MYRF: variants seen among roughly 807,000 people sequenced by gnomAD.
The protein encoded by MYRF is myelin gene regulatory factor.
A neutral mutation model predicts 126.3 loss-of-function variants in MYRF; 16 were observed. The observed-to-expected ratio is 0.13, with a 90% confidence interval of 0.09 to 0.19. The LOEUF is 0.19. Among genes scored for constraint, MYRF ranks in the 10% least tolerant of loss-of-function variants. The pLI, the probability that MYRF is intolerant of heterozygous loss-of-function variation, is 1.00. For missense variants in MYRF, 1,104 were observed against 1,547.0 expected (o/e 0.71, Z 4.80); for synonymous variants, 608 against 635.3 (o/e 0.96, Z 0.65).
chr11:61,779,715 T>C (rs1044594359), intron 16 of MYRF, 127 bp from the exon 17 acceptor site: 1 of 1,207,778 alleles, frequency 8.3e-7, no homozygotes. Flanking sequence ...CGTTTCTCTT[T>C]CTTCTCCCTT....
In MYRF at chr11:61,777,332, C is replaced by G. The variant is rs144177087; in HGVS notation, c.1659C>G (p.Thr553=). 1,891 of 1,613,554 alleles carry G rather than the reference C, an allele frequency of 1.2e-3. 5 individuals carry two copies. The highest frequency in any genetic ancestry group is 5.0e-3 in the African/African-American group (374 of 75,052). Residue 553 remains threonine (T), a synonymous_variant, in exon 12 of 27, where the codon ACC becomes ACG. Transcript: ENST00000278836. The surrounding 1 kb of genome is among the most constrained non-coding windows in gnomAD (Gnocchi z 8.8). ...GGCAGCGGGCACAGGTGCCCGACAC[C>G]GTCTTCCACCACGGCCGCGTGGGCA... ...VLWQRAQVPD[T]VFHHGRVGIN...
Position 61,766,055 on chromosome 11 carries a change from C to G in MYRF, c.232C>G (p.Pro78Ala). The G allele has an allele frequency of 1.9e-6, 3 of 1,603,310 alleles. No homozygotes were observed. Among genetic ancestry groups the G allele is most frequent in the Non-Finnish European group, 2.5e-6 (3 of 1,177,500 alleles). ...CAGCGGGGTCCACCACCTGAGCCCC[C>G]CTGGGGGTGGACCCTCCCCGGGGCG... ...GSSGVHHLSP[P>A]GGGPSPGRHG... is the part of the protein sequence containing the mutation. Residue 78 changes from proline (P) to alanine (A), a missense_variant, in exon 3 of 27, where the codon CCT (proline) becomes GCT (alanine). Pro to Ala is a conservative substitution (Grantham distance 27, BLOSUM62 -1). Coordinates refer to ENST00000278836, the MANE Select transcript of MYRF (RefSeq NM_001127392.3).
At chr11:61,763,142 T>G (rs1591085971) in intron 1 of MYRF, among the ~76,000 whole-genome samples, 1 of 151,394 alleles carries the variant, frequency 6.6e-6, no homozygotes, top group African/African-American at 2.4e-5. Flanking sequence ...GCGGCCAGGG[T>G]GGGGGCGACG....
chr11:61,780,456 C>G (rs1474925142), intron 18 of MYRF, among the ~76,000 whole-genome samples, 166 bp downstream of exon 18: 1 of 152,162 alleles, frequency 6.6e-6, no homozygotes, highest in Non-Finnish European at 1.5e-5. Flanking sequence ...GGAGGGTGGG[C>G]AGCCTTTCCC....
Position 61,777,132 on chromosome 11 carries a change from C to A in MYRF, c.1591-132C>A, listed in dbSNP as rs2066405974. 3.1e-6 allele frequency: 3 copies of A among 981,514 alleles called. No homozygotes were observed. Among genetic ancestry groups the A allele is most frequent in the Non-Finnish European group, 3.0e-6 (2 of 670,334 alleles). The allele number at this position is 981,514 out of a possible 1,614,324, so 60.8% of individuals were successfully genotyped here. ...AGTTGTCACAGTGGGAGGGACAGTT[C>A]AAGTTGGGCTTGGTGCAGTGAGAAA... On this transcript the variant is annotated intron_variant, in intron 11 of 26. Coordinates refer to ENST00000278836, the MANE Select transcript of MYRF (RefSeq NM_001127392.3). This position sits in a 1 kb window ranked among gnomAD's most constrained non-coding sequence, Gnocchi z 8.8.
chr11:61,783,659 G>T lies in MYRF; in HGVS notation c.3119+59G>T. 2 of 1,514,852 alleles carry T rather than the reference G, an allele frequency of 1.3e-6. No individual in the cohort carries two copies. Among genetic ancestry groups the T allele is most frequent in the Non-Finnish European group, 9.1e-7 (1 of 1,096,538 alleles). 93.8% of individuals were successfully genotyped at this position (1,514,852 alleles called of 1,614,324 possible). Reference sequence around the variant, plus strand: ...TCCTCAGGTGACATGAGCCCAGGTGGTACAGATCACCCGGAACTTGCCCTT... The same window carrying T: ...TCCTCAGGTGACATGAGCCCAGGTGTTACAGATCACCCGGAACTTGCCCTT... On this transcript the variant is annotated intron_variant, in intron 23 of 26. Transcript: ENST00000278836. This position sits in a 1 kb window ranked among gnomAD's most constrained non-coding sequence, Gnocchi z 4.6.
At position 61,781,763 on chromosome 11, in the gene MYRF, C is replaced by G; in HGVS notation, c.2955C>G (p.Arg985=). 6.2e-7 allele frequency: 1 copy of G among 1,610,964 alleles called. No homozygotes were observed. The highest frequency in any genetic ancestry group is 8.5e-7 in the Non-Finnish European group (1 of 1,179,066). ...SPSLGFHGRA[R]RGALQSSVGP... ...GCCTTGGTTTCCATGGCCGGGCCCG[C>G]CGAGGGGCCCTCCAGTCCAGCGTGG... The change falls in exon 22 of 27, where the codon CGC becomes CGG. Residue 985 remains arginine, a synonymous_variant. Coordinates refer to ENST00000278836, the MANE Select transcript of MYRF (RefSeq NM_001127392.3).
At chr11:61,773,044 T>C (rs1336013856) in intron 7 of MYRF, among the ~76,000 whole-genome samples, 1 of 149,168 alleles carries the variant, frequency 6.7e-6, no homozygotes, top group African/African-American at 2.5e-5. Flanking sequence ...CTTGCTCTGT[T>C]GCCCAGGCTG....
At position 61,781,839 on chromosome 11, in the gene MYRF, C is replaced by T; in HGVS notation, c.3016+15C>T. ...GGGCCAGTCAGGTACTTGCTGCACC[C>T]CTGACACTACCCAGCCCAGCCTGGC... On this transcript the variant is annotated intron_variant, in intron 22 of 26. Coordinates refer to ENST00000278836, the MANE Select transcript of MYRF (RefSeq NM_001127392.3). The T allele has an allele frequency of 6.6e-7, 1 of 1,523,044 alleles. No homozygotes were observed. The highest frequency in any genetic ancestry group is 8.8e-7 in the Non-Finnish European group (1 of 1,142,080). 94.3% of individuals were successfully genotyped at this position (1,523,044 alleles called of 1,614,324 possible). A position where few individuals can be genotyped will look rare whatever the true frequency, so the allele number is the denominator to read the frequency against.
intron 7 of MYRF, among the ~76,000 whole-genome samples, chr11:61,773,244 T>C (rs1305271734): frequency 6.6e-6 from 1 of 152,122 alleles, no homozygotes; most frequent in African/African-American, 2.4e-5. Flanking sequence ...TGCCTTGGCC[T>C]CCCAAAGTGC....
chr11:61,758,525 C>G (rs968924726), intron 1 of MYRF, among the ~76,000 whole-genome samples: 1 of 152,172 alleles, frequency 6.6e-6, no homozygotes, highest in African/African-American at 2.4e-5. Context: ...GGAGCTCTTC[C>G]TGGGTGGCCA....
Position 61,771,859 on chromosome 11 carries a change from G to A in MYRF, c.1022G>A (p.Gly341Asp). The A allele has an allele frequency of 6.2e-7, 1 of 1,614,140 alleles. No homozygotes were observed. Among genetic ancestry groups the A allele is most frequent in the South Asian group, 1.1e-5 (1 of 91,082 alleles). ...GLLQDSDSLS[G>D]SYLDPNYQSI... Reference sequence around the variant, plus strand: ...CTGCAGGACAGTGACAGCCTCAGTGGCTCCTACCTGGACCCCAACTACCAG... The same window carrying A: ...CTGCAGGACAGTGACAGCCTCAGTGACTCCTACCTGGACCCCAACTACCAG... The change falls in exon 7 of 27, where the codon GGC (glycine) becomes GAC (aspartate). Residue 341 changes from glycine (G) to aspartate (D), a missense_variant. Transcript: ENST00000278836.
chr11:61,762,110 C>G (rs911544987), intron 1 of MYRF, among the ~76,000 whole-genome samples: 10 of 152,152 alleles, frequency 6.6e-5, no homozygotes, highest in African/African-American at 1.9e-4. Flanking sequence ...ACCTGGCTTT[C>G]TCAGGCTTAG....
At position 61,777,675 on chromosome 11, in the gene MYRF, C is replaced by T; in HGVS notation, c.1792-59C>T. 1 of 1,498,306 alleles carries T rather than the reference C, an allele frequency of 6.7e-7. No individual in the cohort carries two copies. Among genetic ancestry groups the T allele is most frequent in the African/African-American group, 1.4e-5 (1 of 71,946 alleles). The allele number at this position is 1,498,306 out of a possible 1,614,324, so 92.8% of individuals were successfully genotyped here. A position where few individuals can be genotyped will look rare whatever the true frequency, so the allele number is the denominator to read the frequency against. Reference sequence around the variant, plus strand: ...TCCAGGCTGCCGCCCTCCTGGGCTCCGGGGCCTGCTCCGGGACGGCCGCAG... The same window carrying T: ...TCCAGGCTGCCGCCCTCCTGGGCTCTGGGGCCTGCTCCGGGACGGCCGCAG... On this transcript the variant is annotated intron_variant, in intron 12 of 26. Transcript: ENST00000278836. This position sits in a 1 kb window ranked among gnomAD's most constrained non-coding sequence, Gnocchi z 8.8.
At chr11:61,755,525 A>C in intron 1 of MYRF, 2 of 1,509,026 alleles carry the variant, frequency 1.3e-6, no homozygotes, top group South Asian at 2.3e-5. Flanking sequence ...GAATCCTGCC[A>C]GGACCTCAGA....
intron 3 of MYRF, chr11:61,766,668 A>C: frequency 4.1e-6 from 1 of 245,136 alleles, no homozygotes. Flanking sequence ...CCCCTACCCA[A>C]GCAAGCCTCA....
rs568739917 is a variant in MYRF at position 61,779,543 on chromosome 11, G to C, written c.2220G>C (p.Lys740Asn). ...GTCGGGCGGGCAGCGTCCCCCACAA[G>C]AAGAGGCCCCCCAAGGTGGCCAGCA... ...QFSRAGSVPH[K>N]KRPPKVASKS... Residue 740 changes from lysine to asparagine, a missense_variant, in exon 16 of 27, where the codon AAG becomes AAC. By Grantham distance (94) the Lys-to-Asn change is moderately conservative. This residue lies in a region of MYRF where 323 missense variants were observed against 383.1 expected (regional missense o/e 0.84). Transcript: ENST00000278836. The C allele has an allele frequency of 8.6e-6, 13 of 1,508,118 alleles. No homozygotes were observed. The highest frequency in any genetic ancestry group is 2.8e-5 in the African/African-American group (2 of 71,816). 93.4% of individuals were successfully genotyped at this position (1,508,118 alleles called of 1,614,324 possible). A position where few individuals can be genotyped will look rare whatever the true frequency, so the allele number is the denominator to read the frequency against.
At chr11:61,765,514 G>GTGTA in intron 1 of MYRF, 111 bp from the exon 2 acceptor site, 1 of 778,622 alleles carries the variant, frequency 1.3e-6, no homozygotes, top group Non-Finnish European at 2.1e-6. Flanking sequence ...GAAGGAGCAG[G>GTGTA]GGCATCTGTT....
At position 61,781,698 on chromosome 11, in the gene MYRF, C is replaced by T. The variant is rs1565305482; in HGVS notation, c.2890C>T (p.Pro964Ser). ...SLEPLASPAV[P>S]FPGGQGKAKN... ...GGAGCCTCTGGCCAGCCCTGCAGTC[C>T]CCTTCCCTGGGGGGCAGGGCAAAGC... is the stretch of plus-strand genomic sequence containing the variant. The change falls in exon 22 of 27, where the codon CCC (proline) becomes TCC (serine). Residue 964 changes from proline (P) to serine (S), a missense_variant. Transcript: ENST00000278836. 3 of 1,613,574 alleles carry T rather than the reference C, an allele frequency of 1.9e-6. No homozygotes were observed. Among genetic ancestry groups the T allele is most frequent in the East Asian group, 4.5e-5 (2 of 44,882 alleles).
Sources: allele counts gnomAD v4.1 joint callset (sites outside exome capture counted in the v4.1 genomes callset), GRCh38; gene constraint gnomAD v4.1.1; regional missense constraint gnomAD v4.1.1; non-coding constraint Gnocchi (gnomAD v3.1); transcripts MANE v1.5; gene names NCBI Gene and HGNC (gene_info 2026-07-23, HGNC 2026-07-21).